Variants in PSMB3 observed in about 807,000 individuals in gnomAD.
PSMB3 encodes proteasome 20S subunit beta 3.
In PSMB3, 5 loss-of-function variants were observed where a neutral mutation model predicts 23.3. The ratio of observed to expected loss-of-function variants is 0.21; its 90% CI spans 0.11 to 0.45. The LOEUF (loss-of-function observed/expected upper bound fraction) is 0.45, where lower values mean the gene tolerates loss of function less well. Among genes scored for constraint, PSMB3 ranks in the 20% least tolerant of loss-of-function variants. The probability of loss-of-function intolerance (pLI) is 0.99; values close to 1 mark genes in which losing one functional copy is unlikely to be tolerated. For synonymous variants in PSMB3, 85 were observed against 99.8 expected, an observed-to-expected ratio of 0.85 and a Z score of 0.88; for missense variants, 192 against 277.9, an observed-to-expected ratio of 0.69 and a Z score of 2.20.
At chr17:38,758,268 T>A (rs1456117307) in intron 3 of PSMB3, among the ~76,000 whole-genome samples, 1 of 152,138 alleles carries the variant, frequency 6.6e-6, no homozygotes, top group Non-Finnish European at 1.5e-5. Flanking sequence ...ATCCAGAATT[T>A]TTCAGGTCAC....
chr17:38,764,101 G>A lies in PSMB3; in HGVS notation c.570-18G>A. The A allele has an allele frequency of 6.2e-7, 1 of 1,614,058 alleles. No individual in the cohort carries two copies. The highest frequency in any genetic ancestry group is 8.5e-7 in the Non-Finnish European group (1 of 1,179,968). On this transcript the variant is annotated intron_variant, in intron 5 of 5. Transcript: ENST00000619426. Reference sequence around the variant, plus strand: ...CAGATGGGTAGAGATGTTTTCTTGTGATTTTCTCCCTCTGCAGCGAGAAGG... The same window carrying A: ...CAGATGGGTAGAGATGTTTTCTTGTAATTTTCTCCCTCTGCAGCGAGAAGG...
chr17:38,762,504 A>G lies in PSMB3; in HGVS notation c.568A>G (p.Ile190Val), dbSNP rs1466278863. 6.2e-7 allele frequency: 1 copy of G among 1,613,052 alleles called. No homozygotes were observed. Among genetic ancestry groups the G allele is most frequent in the South Asian group, 1.1e-5 (1 of 91,054 alleles). The change falls in exon 5 of 6, where the codon ATC (isoleucine) becomes GTC (valine). Residue 190 changes from isoleucine (I) to valine (V), a missense_variant and splice_region_variant. Transcript: ENST00000619426. ...AGGCATGGGAGTCATTGTCCACATC[A>G]TGTGAGTATGGGCTGGGAGAAGTCT... ...VSGMGVIVHI[I>V]EKDKITTRTL...
intron 4 of PSMB3, among the ~76,000 whole-genome samples, chr17:38,760,923 G>A (rs944397645): frequency 6.6e-6 from 1 of 152,168 alleles, no homozygotes; most frequent in Admixed American, 6.5e-5. Flanking sequence ...GTTAGAGGCA[G>A]CTCAACAGGT....
rs529221176 is a variant in PSMB3 at position 38,761,238 on chromosome 17, G to C, written c.474+630G>C. Among the ~76,000 whole-genome samples, 7 of 151,812 alleles carry C rather than the reference G, an allele frequency of 4.6e-5. No individual in the cohort carries two copies. The East Asian group carries it at 9.7e-4, about 21-fold the overall frequency. ...ATGGTGGTGCATGCCTGTAATCCCA[G>C]CTACTCGGGAGGCTGAGGAGAATCG... On this transcript the variant is annotated intron_variant, in intron 4 of 5. Coordinates refer to ENST00000619426, the MANE Select transcript of PSMB3 (RefSeq NM_002795.4).
At chr17:38,763,173 C>G (rs1000090576) in intron 5 of PSMB3, among the ~76,000 whole-genome samples, 4 of 151,936 alleles carry the variant, frequency 2.6e-5, no homozygotes, top group Non-Finnish European at 4.4e-5. Context: ...CCTAACATGG[C>G]GAAACCCCGT....
intron 4 of PSMB3, 35 bp from the exon 5 acceptor site, chr17:38,762,376 G>C: frequency 1.9e-6 from 3 of 1,576,386 alleles, no homozygotes; most frequent in Non-Finnish European, 2.6e-6. Context: ...CAGAGCCAGA[G>C]GCTGTGGTTT....
intron 1 of PSMB3, 59 bp from the exon 2 acceptor site, chr17:38,753,091 C>A: frequency 6.6e-7 from 1 of 1,508,284 alleles, no homozygotes; most frequent in South Asian, 1.3e-5. Context: ...AGGAGCTGGG[C>A]CGGGGGCTGT....
chr17:38,753,566 C>CCT (rs1567642302), intron 2 of PSMB3, among the ~76,000 whole-genome samples: 3 of 152,208 alleles, frequency 2.0e-5, no homozygotes, highest in African/African-American at 7.2e-5. Context: ...GCAACCTCCA[C>CCT]CTCCCAGGCT....
chr17:38,753,010 CA>C, intron 1 of PSMB3, 139 bp from the exon 2 acceptor site: 1 of 1,243,462 alleles, frequency 8.0e-7, no homozygotes, highest in Non-Finnish European at 1.1e-6. Context: ...ACACAGTGCT[CA>C]TCCCAGCTGG....
intron 2 of PSMB3, among the ~76,000 whole-genome samples, chr17:38,755,662 A>G (rs1022597039): frequency 2.2e-4 from 16 of 74,090 alleles, no homozygotes; most frequent in African/African-American, 1.0e-3. Context: ...AAAAAAAAAT[A>G]TATATATATA....
chr17:38,755,672 A>ATGTGTGTG lies in PSMB3; in HGVS notation c.189-210_189-209insGTGTGTGT, dbSNP rs1296883337. On this transcript the variant is annotated intron_variant, in intron 2 of 5. Transcript: ENST00000619426. ...AAAAAAAAAAAAAATATATATATAT[A>ATGTGTGTG]TATATATATATGTGTGTGTGTGTGT... Among the ~76,000 whole-genome samples, 339 of 88,750 alleles carry ATGTGTGTG rather than the reference A, an allele frequency of 3.8e-3. 2 individuals are homozygous for ATGTGTGTG. The highest frequency in any genetic ancestry group is 6.6e-3 in the Middle Eastern group (1 of 152). 58.2% of individuals were successfully genotyped at this position (88,750 alleles called of 152,430 possible).
At chr17:38,759,817 G>A (rs996305049) in intron 3 of PSMB3, among the ~76,000 whole-genome samples, 3 of 152,188 alleles carry the variant, frequency 2.0e-5, no homozygotes, top group Non-Finnish European at 4.4e-5. Flanking sequence ...AAAGTGCTGA[G>A]ATTACAGGTG....
rs376116508 is a variant in PSMB3 at position 38,755,997 on chromosome 17, G to C, written c.296+7G>C. On this transcript the variant is annotated splice_region_variant and intron_variant, in intron 3 of 5. Coordinates refer to ENST00000619426, the MANE Select transcript of PSMB3 (RefSeq NM_002795.4). ...ACCTCTTGTATGAGAAACGGTGAGT[G>C]CAAGTGTAGCTAGCACTGAGGGAAT... 2 of 1,598,044 alleles carry C rather than the reference G, an allele frequency of 1.3e-6. No homozygotes were observed. The highest frequency in any genetic ancestry group is 1.1e-5 in the South Asian group (1 of 90,774).
Position 38,753,299 on chromosome 17 carries a change from C to A in PSMB3, c.153C>A (p.Ile51=). 6.2e-7 allele frequency: 1 copy of A among 1,614,066 alleles called. No individual in the cohort carries two copies. The highest frequency in any genetic ancestry group is 8.5e-7 in the Non-Finnish European group (1 of 1,179,994). The change falls in exon 2 of 6, where the codon ATC becomes ATA. Residue 51 remains isoleucine, a synonymous_variant. Transcript: ENST00000619426. Reference sequence around the variant, plus strand: ...TTCCCATGGGTGACCGGCTGTACATCGGTCTGGCCGGGCTCGCCACTGACG... The same window carrying A: ...TTCCCATGGGTGACCGGCTGTACATAGGTCTGGCCGGGCTCGCCACTGACG... ...KIFPMGDRLY[I]GLAGLATDVQ... is the part of the protein sequence containing the mutation.
intron 5 of PSMB3, among the ~76,000 whole-genome samples, chr17:38,763,174 G>A (rs1908515898): frequency 6.6e-6 from 1 of 152,164 alleles, no homozygotes; most frequent in Non-Finnish European, 1.5e-5. Flanking sequence ...CTAACATGGC[G>A]AAACCCCGTT....
At chr17:38,761,069 G>T (rs1383700811) in intron 4 of PSMB3, among the ~76,000 whole-genome samples, 1 of 151,608 alleles carries the variant, frequency 6.6e-6, no homozygotes, top group African/African-American at 2.4e-5. Flanking sequence ...TGCTGAGGAA[G>T]CCGGGCGCGG....
intron 2 of PSMB3, among the ~76,000 whole-genome samples, chr17:38,754,495 A>G (rs79604792): frequency 6.6e-6 from 1 of 152,072 alleles, no homozygotes; most frequent in Non-Finnish European, 1.5e-5. Flanking sequence ...AGAAAGAATA[A>G]AAGAAAATGT....
chr17:38,761,450 G>A (rs1028741090), intron 4 of PSMB3, among the ~76,000 whole-genome samples: 2 of 152,024 alleles, frequency 1.3e-5, no homozygotes, highest in Non-Finnish European at 2.9e-5. Context: ...AGTGCTTGAC[G>A]GCGAGGGTCG....
At chr17:38,762,971 T>C (rs1908504675) in intron 5 of PSMB3, among the ~76,000 whole-genome samples, 1 of 152,172 alleles carries the variant, frequency 6.6e-6, no homozygotes, top group Non-Finnish European at 1.5e-5. Flanking sequence ...GGAACCTGAT[T>C]GGATAGAGTA....
Sources: gnomAD v4.1 joint callset for allele counts (sites outside exome capture counted in the v4.1 genomes callset) on GRCh38, gnomAD v4.1.1 for gene constraint, MANE v1.5 for transcripts, NCBI Gene and HGNC (gene_info 2026-07-23, HGNC 2026-07-21) for gene names.